The following ST6GAL2 variants were observed in gnomAD, a reference collection of about 807,000 sequenced individuals.
The protein encoded by ST6GAL2 is ST6 beta-galactoside alpha-2,6-sialyltransferase 2.
ST6GAL2 carries 24 observed loss-of-function variants against 37.5 expected under a neutral mutation model. That is an observed-to-expected ratio of 0.64 (90% confidence interval 0.46 to 0.90). The LOEUF (loss-of-function observed/expected upper bound fraction) is 0.90. Among genes scored for constraint, ST6GAL2 ranks in the 40% least tolerant of loss-of-function variants. The pLI is 0.00. For missense variants in ST6GAL2, 715 were observed against 712.7 expected (o/e 1.00, Z -0.04); for synonymous variants, 306 against 295.1 (o/e 1.04, Z -0.38).
intron 1 of ST6GAL2, among the ~76,000 whole-genome samples, chr2:106,873,455 T>G (rs1558729431): frequency 6.6e-6 from 1 of 152,242 alleles, no homozygotes; most frequent in Non-Finnish European, 1.5e-5. Context: ...CCATTCGTTC[T>G]GGAACGGCCT....
chr2:106,861,553 T>G lies in ST6GAL2; in HGVS notation c.-57-17519A>C, dbSNP rs146545888. Among the ~76,000 whole-genome samples the G allele has an allele frequency of 1.6e-3, 248 of 152,342 alleles. 2 individuals are homozygous for G. Among genetic ancestry groups the G allele is most frequent in the African/African-American group, 5.7e-3 (239 of 41,584 alleles). On this transcript the variant is annotated intron_variant, in intron 1 of 5. Coordinates refer to ENST00000409382, the MANE Select transcript of ST6GAL2 (RefSeq NM_001142351.2). ...TTTAGTGGAAATAACTGGTGAAGTC[T>G]TCATTGTGCCTGTGTCAGCCAAGAA...
chr2:106,874,553 G>A (rs1057058589), intron 1 of ST6GAL2, among the ~76,000 whole-genome samples: 1 of 152,156 alleles, frequency 6.6e-6, no homozygotes, highest in Non-Finnish European at 1.5e-5. Flanking sequence ...GAGGACTCTT[G>A]GCCAAAGCGG....
chr2:106,835,783 C>A (rs1005321608), intron 2 of ST6GAL2, among the ~76,000 whole-genome samples: 15 of 152,200 alleles, frequency 9.9e-5, no homozygotes, highest in African/African-American at 3.4e-4. Context: ...GTCTGCCAAT[C>A]TCTAGGTTCA....
At chr2:106,883,816 T>C (rs1309017927) in intron 1 of ST6GAL2, among the ~76,000 whole-genome samples, 2 of 152,184 alleles carry the variant, frequency 1.3e-5, no homozygotes, top group South Asian at 2.1e-4. Flanking sequence ...ACAAAGACTG[T>C]CCTTATTATC....
intron 5 of ST6GAL2, among the ~76,000 whole-genome samples, chr2:106,810,183 G>A (rs1012851679): frequency 4.6e-5 from 7 of 152,258 alleles, no homozygotes; most frequent in Middle Eastern, 3.4e-3. Context: ...CTAGTTAACC[G>A]TTAAATCGTG....
At chr2:106,880,625 A>G (rs893653999) in intron 1 of ST6GAL2, among the ~76,000 whole-genome samples, 1 of 152,256 alleles carries the variant, frequency 6.6e-6, no homozygotes, top group African/African-American at 2.4e-5. Context: ...TATCCTATTT[A>G]TAATAAACTA....
intron 1 of ST6GAL2, among the ~76,000 whole-genome samples, chr2:106,854,156 C>T (rs1677480805): frequency 6.6e-6 from 1 of 152,154 alleles, no homozygotes; most frequent in Non-Finnish European, 1.5e-5. Flanking sequence ...AAGGAGGCTT[C>T]TGTACCAGCA....
chr2:106,808,717 A>G (rs763611497), intron 5 of ST6GAL2, among the ~76,000 whole-genome samples: 8 of 152,220 alleles, frequency 5.3e-5, no homozygotes, highest in Non-Finnish European at 1.2e-4. Context: ...GACTGCTCTC[A>G]AACATTTTTT....
chr2:106,863,814 T>C (rs1473739473), intron 1 of ST6GAL2, among the ~76,000 whole-genome samples: 1 of 152,152 alleles, frequency 6.6e-6, no homozygotes, highest in Non-Finnish European at 1.5e-5. Flanking sequence ...GAAGAGATAT[T>C]ATTATCATTA....
intron 1 of ST6GAL2, among the ~76,000 whole-genome samples, chr2:106,883,990 G>T (rs1678856582): frequency 6.6e-6 from 1 of 152,138 alleles, no homozygotes. Context: ...TTGTCTTTCA[G>T]AAAAGATTTA....
At chr2:106,810,640 A>G (rs548539231) in intron 5 of ST6GAL2, among the ~76,000 whole-genome samples, 5 of 152,274 alleles carry the variant, frequency 3.3e-5, no homozygotes, top group African/African-American at 1.2e-4. Flanking sequence ...AAAAAAAGGA[A>G]AAAAATAATT....
At chr2:106,830,534 T>C (rs1226708075) in intron 4 of ST6GAL2, among the ~76,000 whole-genome samples, 2 of 152,212 alleles carry the variant, frequency 1.3e-5, no homozygotes, top group Admixed American at 6.5e-5. Flanking sequence ...AATCAACACC[T>C]TGGGCTTTGC....
intron 1 of ST6GAL2, among the ~76,000 whole-genome samples, chr2:106,866,058 G>A (rs1012320166): frequency 3.9e-5 from 6 of 152,166 alleles, no homozygotes; most frequent in African/African-American, 1.4e-4. Flanking sequence ...TTTTATTAAA[G>A]GCTTATTAGG....
rs181041797 is a variant in ST6GAL2 at position 106,814,257 on chromosome 2, C to T, written c.1319-7308G>A. Among the ~76,000 whole-genome samples, 49 of 152,178 alleles carry T rather than the reference C, an allele frequency of 3.2e-4. 1 individual carries two copies. The highest frequency in any genetic ancestry group is 2.7e-3 in the Admixed American group (42 of 15,292). ...CAACAAAACTGTGACACATTTGACA[C>T]GATCCTAAATATAGATGTTAAGTAG... is the stretch of plus-strand genomic sequence containing the variant. On this transcript the variant is annotated intron_variant, in intron 5 of 5. Transcript: ENST00000409382.
At chr2:106,822,269 C>T (rs1055850616) in intron 5 of ST6GAL2, among the ~76,000 whole-genome samples, 5 of 151,918 alleles carry the variant, frequency 3.3e-5, no homozygotes, top group Non-Finnish European at 7.4e-5. Context: ...CTAAAGACTC[C>T]GCCAAAAAAC....
At position 106,806,406 on chromosome 2, in the gene ST6GAL2, TATC is replaced by T. The variant is rs1247987816; in HGVS notation, c.*269_*271del. The T allele has an allele frequency of 5.0e-6, 2 of 396,548 alleles. No individual in the cohort carries two copies. 24.6% of individuals were successfully genotyped at this position (396,548 alleles called of 1,614,324 possible). ...AATAAGTTGTTAACATTTCTGGAGG[TATC>T]ATACCCATGGTCATACATGTGTTTT... On this transcript the variant is annotated 3_prime_UTR_variant, in exon 6 of 6. Coordinates refer to ENST00000409382, the MANE Select transcript of ST6GAL2 (RefSeq NM_001142351.2).
intron 4 of ST6GAL2, 43 bp from the exon 5 acceptor site, chr2:106,830,283 A>T: frequency 6.4e-7 from 1 of 1,550,832 alleles, no homozygotes. Context: ...AAAGAACTAA[A>T]CTATGAAAGG....
chr2:106,835,823 C>T (rs751726898), intron 2 of ST6GAL2, among the ~76,000 whole-genome samples: 1 of 152,172 alleles, frequency 6.6e-6, no homozygotes, highest in Non-Finnish European at 1.5e-5. Flanking sequence ...TAAATGATGC[C>T]AAAATACATG....
At chr2:106,869,419 C>A (rs769857631) in intron 1 of ST6GAL2, among the ~76,000 whole-genome samples, 2 of 152,126 alleles carry the variant, frequency 1.3e-5, no homozygotes, top group East Asian at 3.9e-4. Flanking sequence ...CATCTTCTCC[C>A]GCAGGAACTT....
Sources: allele counts gnomAD v4.1 joint callset (sites outside exome capture counted in the v4.1 genomes callset), GRCh38; gene constraint gnomAD v4.1.1; transcripts MANE v1.5; gene names NCBI Gene and HGNC (gene_info 2026-07-23, HGNC 2026-07-21).